The following GATAD2B variants were observed in gnomAD, a reference collection of about 807,000 sequenced individuals.
GATAD2B encodes the protein GATA zinc finger domain containing 2B.
In GATAD2B, 8 loss-of-function variants were observed where a neutral mutation model predicts 64.3. The ratio of observed to expected loss-of-function variants is 0.12; its 90% CI spans 0.07 to 0.22. The LOEUF is 0.22. Among genes scored for constraint, GATAD2B ranks in the 10% least tolerant of loss-of-function variants. The pLI is 1.00. For missense variants in GATAD2B, 453 were observed against 752.0 expected (o/e 0.60, Z 4.65); for synonymous variants, 281 against 271.3 (o/e 1.04, Z -0.35).
chr1:153,903,666 A>G (rs1419668958), intron 1 of GATAD2B, among the ~76,000 whole-genome samples: 1 of 152,188 alleles, frequency 6.6e-6, no homozygotes, highest in Non-Finnish European at 1.5e-5. Context: ...TCTTTACCAT[A>G]TGCCTAAATA....
chr1:153,904,829 C>G (rs1055981276), intron 1 of GATAD2B, among the ~76,000 whole-genome samples: 1 of 152,140 alleles, frequency 6.6e-6, no homozygotes, highest in African/African-American at 2.4e-5. Context: ...GCCTCAGCCT[C>G]CCGAGCAGGT....
chr1:153,907,499 G>A (rs972784914), intron 1 of GATAD2B, among the ~76,000 whole-genome samples: 6 of 152,148 alleles, frequency 3.9e-5, no homozygotes, highest in Non-Finnish European at 8.8e-5. Flanking sequence ...CTGCGGAGAG[G>A]GGAGAATGGG....
chr1:153,902,491 G>A (rs1184243819), intron 1 of GATAD2B, among the ~76,000 whole-genome samples: 1 of 151,906 alleles, frequency 6.6e-6, no homozygotes, highest in East Asian at 1.9e-4. Context: ...TCTCACTCTT[G>A]TCACCCAGGC....
intron 3 of GATAD2B, 77 bp downstream of exon 3, chr1:153,819,529 C>T (rs1674599624): frequency 9.4e-7 from 1 of 1,066,974 alleles, no homozygotes; most frequent in Non-Finnish European, 1.4e-6. Context: ...AGTCAAAAAA[C>T]AGAACTAAAT....
intron 1 of GATAD2B, among the ~76,000 whole-genome samples, chr1:153,888,174 AT>A (rs1304103170): frequency 2.0e-5 from 3 of 152,022 alleles, no homozygotes; most frequent in Non-Finnish European, 4.4e-5. Context: ...CAACTTTTTC[AT>A]TTATCATACA....
chr1:153,869,135 T>C (rs942355371), intron 1 of GATAD2B, among the ~76,000 whole-genome samples: 3 of 151,850 alleles, frequency 2.0e-5, no homozygotes, highest in African/African-American at 7.3e-5. Flanking sequence ...TCTACAAAAA[T>C]ACAAAAGTTA....
At position 153,852,760 on chromosome 1, in the gene GATAD2B, G is replaced by T. The variant is rs908508800; in HGVS notation, c.-1-24412C>A. 19 of 933,730 alleles carry T rather than the reference G, an allele frequency of 2.0e-5. No individual in the cohort carries two copies. The East Asian group carries it at 4.1e-4, about 20-fold the overall frequency. 57.8% of individuals were successfully genotyped at this position (933,730 alleles called of 1,614,324 possible). On this transcript the variant is annotated intron_variant, in intron 1 of 10. Transcript: ENST00000368655. ...CAGGGAGTGAAGCTTGGTAGACAGG[G>T]ATCCCAGTCTAACATAACAACTTGG... is the stretch of plus-strand genomic sequence containing the variant.
At chr1:153,895,993 TAAAAAA>T (rs376526598) in intron 1 of GATAD2B, among the ~76,000 whole-genome samples, 11 of 128,612 alleles carry the variant, frequency 8.6e-5, no homozygotes, top group Admixed American at 8.3e-4. Context: ...GACTCTGTCT[TAAAAAA>T]AAAAAAAAAA....
intron 2 of GATAD2B, among the ~76,000 whole-genome samples, chr1:153,827,107 T>C (rs1570937028): frequency 7.2e-6 from 1 of 138,776 alleles, no homozygotes; most frequent in African/African-American, 2.7e-5. Flanking sequence ...TAGACAGGCA[T>C]GGTGGGATGT....
chr1:153,874,932 G>A (rs1020971991), intron 1 of GATAD2B, among the ~76,000 whole-genome samples: 1 of 151,812 alleles, frequency 6.6e-6, no homozygotes, highest in African/African-American at 2.4e-5. Flanking sequence ...GGAGCACAGT[G>A]GCTCCATCAC....
intron 1 of GATAD2B, among the ~76,000 whole-genome samples, chr1:153,879,515 G>A (rs954704179): frequency 6.6e-6 from 1 of 152,116 alleles, no homozygotes; most frequent in Non-Finnish European, 1.5e-5. Flanking sequence ...TGTAATCCCA[G>A]AACTATGGGA....
At position 153,816,676 on chromosome 1, in the gene GATAD2B, TG is replaced by T; in HGVS notation, c.901-89del. The T allele has an allele frequency of 1.2e-6, 1 of 814,488 alleles. No homozygotes were observed. The highest frequency in any genetic ancestry group is 1.6e-5 in the South Asian group (1 of 60,830). 50.5% of individuals were successfully genotyped at this position (814,488 alleles called of 1,614,324 possible). A position where few individuals can be genotyped will look rare whatever the true frequency, so the allele number is the denominator to read the frequency against. On this transcript the variant is annotated intron_variant, in intron 6 of 10. Coordinates refer to ENST00000368655, the MANE Select transcript of GATAD2B (RefSeq NM_020699.4). The surrounding 1 kb of genome is among the most constrained non-coding windows in gnomAD (Gnocchi z 4.9). ...CTTGGCAGAGGACACTGTCTGATCCTGGTTTGGACTACTTAGCTTCTCCAAA... is the reference window on the plus strand; with the variant it reads ...CTTGGCAGAGGACACTGTCTGATCCTGTTTGGACTACTTAGCTTCTCCAAA...
intron 8 of GATAD2B, 142 bp from the exon 9 acceptor site, chr1:153,812,274 C>T: frequency 1.7e-6 from 1 of 596,174 alleles, no homozygotes; most frequent in Non-Finnish European, 3.0e-6. Context: ...AAGCAATCCT[C>T]TCACCTTAGC....
intron 1 of GATAD2B, among the ~76,000 whole-genome samples, chr1:153,906,524 G>GA (rs1291091544): frequency 6.6e-6 from 1 of 151,724 alleles, no homozygotes; most frequent in Non-Finnish European, 1.5e-5. Flanking sequence ...AAAAAAATGA[G>GA]AAAAAACACA....
At chr1:153,889,413 C>CAAAAAAAA (rs71093299) in intron 1 of GATAD2B, among the ~76,000 whole-genome samples, 7 of 67,878 alleles carry the variant, frequency 1.0e-4, no homozygotes, top group East Asian at 3.9e-4. Flanking sequence ...ACCCCGTCTC[C>CAAAAAAAA]AAAAAAAAAA....
intron 1 of GATAD2B, among the ~76,000 whole-genome samples, chr1:153,922,392 G>A (rs1678478193): frequency 6.6e-6 from 1 of 151,390 alleles, no homozygotes; most frequent in Admixed American, 6.6e-5. Flanking sequence ...GGGCGTGAGG[G>A]AGGGGAGAAA....
At chr1:153,864,057 G>T (rs1676398269) in intron 1 of GATAD2B, among the ~76,000 whole-genome samples, 1 of 152,112 alleles carries the variant, frequency 6.6e-6, no homozygotes, top group African/African-American at 2.4e-5. Context: ...AGGCACTAGG[G>T]GAGCAGAGTT....
chr1:153,913,613 T>A (rs897217340), intron 1 of GATAD2B, among the ~76,000 whole-genome samples: 2 of 152,130 alleles, frequency 1.3e-5, no homozygotes, highest in African/African-American at 2.4e-5. Context: ...ATACCACTGA[T>A]GTTTCTAAAA....
intron 1 of GATAD2B, among the ~76,000 whole-genome samples, chr1:153,849,930 C>A (rs1276978393): frequency 1.3e-5 from 2 of 152,168 alleles, no homozygotes; most frequent in African/African-American, 4.8e-5. Flanking sequence ...CCATGCCTGG[C>A]TGTATTTAAT....
Sources: allele counts gnomAD v4.1 joint callset (sites outside exome capture counted in the v4.1 genomes callset), GRCh38; gene constraint gnomAD v4.1.1; non-coding constraint Gnocchi (gnomAD v3.1); transcripts MANE v1.5; gene names NCBI Gene and HGNC (gene_info 2026-07-23, HGNC 2026-07-21).